ANKRD11: variants seen among roughly 807,000 people sequenced by gnomAD.
ANKRD11 encodes the protein ankyrin repeat domain 11.
In ANKRD11, 17 loss-of-function variants were observed where a neutral mutation model predicts 195.7. The ratio of observed to expected loss-of-function variants is 0.09; its 90% CI spans 0.06 to 0.13. ANKRD11 has a LOEUF of 0.13. Ranked by LOEUF, ANKRD11 falls within the 10% of genes least tolerant of loss-of-function variation. The pLI, the probability that ANKRD11 is intolerant of heterozygous loss-of-function variation, is 1.00. For missense variants in ANKRD11, 3,735 were observed against 3,566.1 expected (o/e 1.05, Z -1.21); for synonymous variants, 1,953 against 1,528.1 (o/e 1.28, Z -6.49).
intron 1 of ANKRD11, among the ~76,000 whole-genome samples, chr16:89,448,387 T>C (rs1052114452): frequency 6.6e-6 from 1 of 152,200 alleles, no homozygotes; most frequent in African/African-American, 2.4e-5. Flanking sequence ...ATATTAGTGC[T>C]CAAGAAAAAC....
At chr16:89,358,078 G>T (rs1452290953) in intron 2 of ANKRD11, among the ~76,000 whole-genome samples, 1 of 152,230 alleles carries the variant, frequency 6.6e-6, no homozygotes. Flanking sequence ...TGAGGCACCA[G>T]ATGCAACTTT....
intron 2 of ANKRD11, among the ~76,000 whole-genome samples, chr16:89,333,455 A>T (rs569408085): frequency 6.6e-6 from 1 of 152,218 alleles, no homozygotes; most frequent in East Asian, 1.9e-4. Context: ...ATGTGGACCC[A>T]CCGTTGTGGT....
intron 1 of ANKRD11, among the ~76,000 whole-genome samples, chr16:89,444,903 C>T (rs1462905063): frequency 6.6e-6 from 1 of 152,244 alleles, no homozygotes; most frequent in Non-Finnish European, 1.5e-5. Context: ...CTCAGGGAAC[C>T]ACCACCTAAA....
rs202044071 is a variant in ANKRD11 at position 89,280,634 on chromosome 16, G to T, written c.5908C>A (p.Pro1970Thr). ...TCCGAGCCCACAGGCCAGCTCACAGGGTTTTCAGAGGTGCCCCCGATCAGG... is the reference window on the plus strand; with the variant it reads ...TCCGAGCCCACAGGCCAGCTCACAGTGTTTTCAGAGGTGCCCCCGATCAGG... ...SSLIGGTSEN[P>T]VSWPVGSDLL... The change falls in exon 9 of 13, where the codon CCT becomes ACT. Residue 1970 changes from proline (P) to threonine (T), a missense_variant. By Grantham distance (38) the Pro-to-Thr change is conservative. Transcript: ENST00000301030. 1.8e-5 allele frequency: 29 copies of T among 1,613,396 alleles called. No homozygotes were observed. The East Asian group carries it at 5.8e-4, about 32-fold the overall frequency.
intron 1 of ANKRD11, among the ~76,000 whole-genome samples, chr16:89,477,888 G>A (rs1157512655): frequency 6.6e-6 from 1 of 151,692 alleles, no homozygotes; most frequent in Non-Finnish European, 1.5e-5. Flanking sequence ...AACGCAGGAG[G>A]CGAAGGTTTC....
chr16:89,286,730 C>A, intron 7 of ANKRD11: 1 of 1,268,754 alleles, frequency 7.9e-7, no homozygotes, highest in Non-Finnish European at 1.0e-6. Context: ...CTTGATTTTA[C>A]AAGGGTAAGG....
intron 2 of ANKRD11, among the ~76,000 whole-genome samples, chr16:89,351,277 C>G (rs151315024): frequency 1.3e-5 from 2 of 152,134 alleles, no homozygotes; most frequent in African/African-American, 4.8e-5. Flanking sequence ...CGCCCACAGG[C>G]CGCCAAACAC....
chr16:89,331,863 A>T (rs3102372), intron 2 of ANKRD11, among the ~76,000 whole-genome samples: 95,209 of 151,972 alleles, frequency 0.63, 30,054 homozygotes, highest in Middle Eastern at 0.72. Context: ...AATGGTGTGG[A>T]CTCGGGTTTG....
rs1184461747 is a variant in ANKRD11 at position 89,283,029 on chromosome 16, C to T, written c.3513G>A (p.Gln1171=). The change falls in exon 9 of 13, where the codon CAG becomes CAA. Residue 1171 remains glutamine, a synonymous_variant. Coordinates refer to ENST00000301030, the MANE Select transcript of ANKRD11 (RefSeq NM_013275.6). This position sits in a 1 kb window ranked among gnomAD's most constrained non-coding sequence, Gnocchi z 4.3. ...SDRHRKSSDK[Q]HPERQKDKEP... is the part of the protein sequence containing the mutation. ...CCTTGTCCTTCTGCCTCTCAGGGTGCTGCTTGTCAGAAGACTTCCTGTGTC... is the reference window on the plus strand; with the variant it reads ...CCTTGTCCTTCTGCCTCTCAGGGTGTTGCTTGTCAGAAGACTTCCTGTGTC... 8 of 1,613,676 alleles carry T rather than the reference C, an allele frequency of 5.0e-6. No individual in the cohort carries two copies. The African/African-American group carries it at 9.3e-5, about 19-fold the overall frequency.
intron 1 of ANKRD11, among the ~76,000 whole-genome samples, chr16:89,470,137 A>G (rs4785673): frequency 0.47 from 70,867 of 151,428 alleles, 17,417 homozygotes; most frequent in Middle Eastern, 0.64. Flanking sequence ...CCGTGTCCTG[A>G]ACTTGTGATC....
intron 1 of ANKRD11, among the ~76,000 whole-genome samples, chr16:89,487,618 A>T (rs1367082067): frequency 6.6e-6 from 1 of 152,118 alleles, no homozygotes. Flanking sequence ...TACTAAAAAT[A>T]CAAAAATTAG....
intron 2 of ANKRD11, among the ~76,000 whole-genome samples, chr16:89,357,711 G>A (rs1366480301): frequency 2.0e-5 from 3 of 152,120 alleles, no homozygotes; most frequent in Non-Finnish European, 4.4e-5. Flanking sequence ...CCAATGCTGC[G>A]GACTCCACTC....
intron 2 of ANKRD11, among the ~76,000 whole-genome samples, chr16:89,374,902 T>G (rs562923707): frequency 6.6e-6 from 1 of 152,152 alleles, no homozygotes; most frequent in South Asian, 2.1e-4. Context: ...TGGAAAGAAT[T>G]ACAAACCATA....
intron 2 of ANKRD11, among the ~76,000 whole-genome samples, chr16:89,417,713 C>T (rs1597344303): frequency 6.6e-6 from 1 of 152,110 alleles, no homozygotes; most frequent in East Asian, 1.9e-4. Flanking sequence ...CCACCAGGAA[C>T]CTAACAAGAG....
chr16:89,282,518 C>T lies in ANKRD11; in HGVS notation c.4024G>A (p.Glu1342Lys). Reference sequence around the variant, plus strand: ...TGCCTCTCCTTCTCTTTCAGCTTCTCAGGGAGGCAGGCGCTCTCCCTCGGC... The same window carrying T: ...TGCCTCTCCTTCTCTTTCAGCTTCTTAGGGAGGCAGGCGCTCTCCCTCGGC... Reference protein sequence around the residue: ...DKPRESACLPEKLKEKERHRH... With the variant: ...DKPRESACLPKKLKEKERHRH... The change falls in exon 9 of 13, where the codon GAG (glutamate) becomes AAG (lysine). Residue 1342 changes from glutamate (E) to lysine (K), a missense_variant. Physicochemically the swap from Glu to Lys is moderately conservative, Grantham distance 56. Coordinates refer to ENST00000301030, the MANE Select transcript of ANKRD11 (RefSeq NM_013275.6). 3 of 1,614,086 alleles carry T rather than the reference C, an allele frequency of 1.9e-6. No individual in the cohort carries two copies. Among genetic ancestry groups the T allele is most frequent in the Non-Finnish European group, 2.5e-6 (3 of 1,180,002 alleles).
chr16:89,278,917 C>A, intron 9 of ANKRD11, 155 bp downstream of exon 9: 1 of 1,280,166 alleles, frequency 7.8e-7, no homozygotes, highest in Non-Finnish European at 1.1e-6. Context: ...TTTGCCTCCA[C>A]AGCAGAAGTG....
chr16:89,290,700 C>T lies in ANKRD11; in HGVS notation c.526G>A (p.Ala176Thr), dbSNP rs900210533. The change falls in exon 6 of 13, where the codon GCC becomes ACC. Residue 176 changes from alanine to threonine, a missense_variant. Coordinates refer to ENST00000301030, the MANE Select transcript of ANKRD11 (RefSeq NM_013275.6). The part of the protein sequence containing the change: ...ERGETRLHRA[A>T]IRGDARRIKE... ...ATGCGCCGGGCGTCCCCGCGGATGG[C>T]GGCTCGGTGCAGGCGGGTCTCTCCA... 2 of 1,614,066 alleles carry T rather than the reference C, an allele frequency of 1.2e-6. No homozygotes were observed. Among genetic ancestry groups the T allele is most frequent in the Non-Finnish European group, 1.7e-6 (2 of 1,180,022 alleles).
In ANKRD11 at chr16:89,468,629, C is replaced by T. The variant is rs1360293303; in HGVS notation, c.-145+21616G>A. ...CTGAGGCTGGAGAATTGCTTGGGAA[C>T]CTGGGAGGCAGAGGTTGCAGTGAGC... is the stretch of plus-strand genomic sequence containing the variant. On this transcript the variant is annotated intron_variant, in intron 1 of 12. Coordinates refer to ENST00000301030, the MANE Select transcript of ANKRD11 (RefSeq NM_013275.6). Among the ~76,000 whole-genome samples, 2 of 152,134 alleles carry T rather than the reference C, an allele frequency of 1.3e-5. 1 individual carries two copies. The highest frequency in any genetic ancestry group is 4.8e-5 in the African/African-American group (2 of 41,420).
At chr16:89,441,685 T>C (rs111733734) in intron 1 of ANKRD11, among the ~76,000 whole-genome samples, 1 of 135,654 alleles carries the variant, frequency 7.4e-6, no homozygotes, top group Non-Finnish European at 1.5e-5. Context: ...GAGAATGGCA[T>C]GAACCCAGGA....
Sources: allele counts gnomAD v4.1 joint callset (sites outside exome capture counted in the v4.1 genomes callset), GRCh38; gene constraint gnomAD v4.1.1; non-coding constraint Gnocchi (gnomAD v3.1); transcripts MANE v1.5; gene names NCBI Gene and HGNC (gene_info 2026-07-23, HGNC 2026-07-21).